The following CCDC171 variants were observed in gnomAD, a reference collection of about 807,000 sequenced individuals.
CCDC171 encodes coiled-coil domain-containing protein 171.
A neutral mutation model predicts 168.2 loss-of-function variants in CCDC171; 177 were observed. That is an observed-to-expected ratio of 1.05 (90% CI 0.93 to 1.19). The LOEUF (loss-of-function observed/expected upper bound fraction) is 1.19, where lower values mean the gene tolerates loss of function less well. Among genes scored for constraint, CCDC171 ranks in the 50% most tolerant of loss-of-function variants. The probability of loss-of-function intolerance (pLI) is 0.00; values close to 1 mark genes in which losing one functional copy is unlikely to be tolerated. For synonymous variants in CCDC171, 687 were observed against 540.8 expected (o/e 1.27, Z -3.75); for missense variants, 1,991 against 1,539.0 (o/e 1.29, Z -4.91).
At chr9:15,870,109 A>T (rs1461045012) in intron 23 of CCDC171, among the ~76,000 whole-genome samples, 1 of 118,744 alleles carries the variant, frequency 8.4e-6, no homozygotes, top group African/African-American at 2.7e-5. Flanking sequence ...TAACTCTAAT[A>T]AAACTTTATT....
At chr9:15,810,357 C>T (rs947132468) in intron 21 of CCDC171, among the ~76,000 whole-genome samples, 1 of 152,198 alleles carries the variant, frequency 6.6e-6, no homozygotes, top group Non-Finnish European at 1.5e-5. Flanking sequence ...CATGCCAGGG[C>T]CACGGGCAGA....
intron 4 of CCDC171, chr9:15,588,700 C>CT (rs71323963): frequency 0.17 from 20,762 of 123,084 alleles, 1,977 homozygotes; most frequent in African/African-American, 0.21. Flanking sequence ...AAGATGCAGA[C>CT]TTTTTTTTTT....
chr9:15,764,828 A>G (rs2056636681), intron 18 of CCDC171, among the ~76,000 whole-genome samples: 1 of 152,182 alleles, frequency 6.6e-6, no homozygotes, highest in South Asian at 2.1e-4. Context: ...GGAGCTTTTT[A>G]AAAATAGTGA....
At position 15,958,114 on chromosome 9, in the gene CCDC171, C is replaced by CCATTCATT. The variant is rs34099313; in HGVS notation, c.3754-13465_3754-13458dup. ...AGAATAAGTCCATTAACTCACTCATCCATTCATTCATTCATTCATTCATTC... is the reference window on the plus strand; with the variant it reads ...AGAATAAGTCCATTAACTCACTCATCCATTCATTCATTCATTCATTCATTCATTCATTC... On this transcript the variant is annotated intron_variant, in intron 25 of 25. Coordinates refer to ENST00000380701, the MANE Select transcript of CCDC171 (RefSeq NM_173550.4). Among the ~76,000 whole-genome samples the CCATTCATT allele has an allele frequency of 6.3e-4, 95 of 150,776 alleles. 1 individual carries two copies. The highest frequency in any genetic ancestry group is 1.4e-3 in the Admixed American group (21 of 15,124).
intron 18 of CCDC171, among the ~76,000 whole-genome samples, chr9:15,767,455 C>A (rs1325507144): frequency 6.6e-6 from 1 of 152,042 alleles, no homozygotes; most frequent in Non-Finnish European, 1.5e-5. Flanking sequence ...TTGAATAATC[C>A]AAGATAATCT....
At chr9:15,780,791 A>C (rs1296249523) in intron 20 of CCDC171, among the ~76,000 whole-genome samples, 1 of 152,222 alleles carries the variant, frequency 6.6e-6, no homozygotes, top group Non-Finnish European at 1.5e-5. Flanking sequence ...ATTTCATTTT[A>C]GTTAAATGAA....
chr9:15,728,040 A>G lies in CCDC171; in HGVS notation c.1860+4A>G. On this transcript the variant is annotated splice_donor_region_variant and intron_variant, in intron 15 of 25. Transcript: ENST00000380701. Reference sequence around the variant, plus strand: ...CCTCAACAGGGCTAATGAGAAGGTAACTGTCCTCAGGCACCAGATACCTCT... The same window carrying G: ...CCTCAACAGGGCTAATGAGAAGGTAGCTGTCCTCAGGCACCAGATACCTCT... The G allele has an allele frequency of 6.2e-7, 1 of 1,606,650 alleles. No individual in the cohort carries two copies. Among genetic ancestry groups the G allele is most frequent in the Non-Finnish European group, 8.5e-7 (1 of 1,175,872 alleles).
chr9:16,071,730 C>G, the CCDC171 span, among the ~76,000 whole-genome samples: 1 of 152,120 alleles, frequency 6.6e-6, no homozygotes, highest in African/African-American at 2.4e-5. Context: ...TTTGTCTGGC[C>G]CCCTAGAGTG....
At chr9:15,710,268 A>T (rs993202642) in intron 11 of CCDC171, among the ~76,000 whole-genome samples, 1 of 152,048 alleles carries the variant, frequency 6.6e-6, no homozygotes, top group Non-Finnish European at 1.5e-5. Flanking sequence ...GGCTGATTTT[A>T]AAAAATCTGT....
chr9:15,636,849 T>C (rs2046237473), intron 7 of CCDC171, among the ~76,000 whole-genome samples: 1 of 151,486 alleles, frequency 6.6e-6, no homozygotes, highest in Non-Finnish European at 1.5e-5. Context: ...GCTAGAAAAC[T>C]CTATCATCAC....
chr9:15,617,758 G>A (rs2044198666), intron 6 of CCDC171, among the ~76,000 whole-genome samples: 4 of 152,084 alleles, frequency 2.6e-5, no homozygotes, highest in African/African-American at 9.7e-5. Context: ...CTCTTCTGAT[G>A]GTCTGCTGCA....
intron 6 of CCDC171, among the ~76,000 whole-genome samples, chr9:15,602,582 ATT>A: frequency 7.1e-6 from 1 of 141,198 alleles, no homozygotes; most frequent in East Asian, 2.0e-4. Context: ...GTGAATTCTT[ATT>A]GGTGTTACCC....
chr9:15,560,043 A>C (rs1485396473), intron 1 of CCDC171, among the ~76,000 whole-genome samples: 1 of 152,118 alleles, frequency 6.6e-6, no homozygotes, highest in Non-Finnish European at 1.5e-5. Context: ...TTTCTTTAAG[A>C]ATGTTGAATA....
chr9:15,555,765 T>C (rs1168492633), intron 1 of CCDC171, among the ~76,000 whole-genome samples: 3 of 152,214 alleles, frequency 2.0e-5, no homozygotes, highest in Non-Finnish European at 4.4e-5. Flanking sequence ...ACATGTGCCA[T>C]GTTGGTGTGC....
intron 21 of CCDC171, among the ~76,000 whole-genome samples, chr9:15,841,058 A>T (rs530081609): frequency 6.6e-6 from 1 of 152,206 alleles, no homozygotes; most frequent in South Asian, 2.1e-4. Context: ...TGGTACAGAT[A>T]ATCATGAGGC....
intron 6 of CCDC171, 112 bp from the exon 7 acceptor site, chr9:15,623,155 C>T: frequency 3.1e-6 from 2 of 645,848 alleles, no homozygotes; most frequent in Non-Finnish European, 2.4e-6. Context: ...ATAAATTAAC[C>T]TATTATTATA....
chr9:15,618,178 G>A (rs1427781001), intron 6 of CCDC171, among the ~76,000 whole-genome samples: 1 of 152,190 alleles, frequency 6.6e-6, no homozygotes, highest in African/African-American at 2.4e-5. Flanking sequence ...TTATCTGTAA[G>A]CTCCTGACTG....
chr9:16,034,016 C>T (rs1015111096), intron 6 of CCDC171, among the ~76,000 whole-genome samples: 1 of 152,210 alleles, frequency 6.6e-6, no homozygotes, highest in African/African-American at 2.4e-5. Context: ...AGAATTTGTT[C>T]ACCTAAGCTT....
At chr9:16,074,218 A>G in the CCDC171 span, among the ~76,000 whole-genome samples, 1 of 152,160 alleles carries the variant, frequency 6.6e-6, no homozygotes, top group Non-Finnish European at 1.5e-5. Context: ...TTCCACACCC[A>G]TCTACTACCA....
Sources: allele counts gnomAD v4.1 joint callset (sites outside exome capture counted in the v4.1 genomes callset), GRCh38; gene constraint gnomAD v4.1.1; transcripts MANE v1.5; gene names NCBI Gene and HGNC (gene_info 2026-07-23, HGNC 2026-07-21).